The following ERBB4 variants were observed in gnomAD, a reference collection of about 807,000 sequenced individuals.
The protein encoded by ERBB4 is receptor tyrosine-protein kinase erbB-4.
ERBB4 carries 42 observed loss-of-function variants against 158.0 expected under a neutral mutation model. The ratio of observed to expected loss-of-function variants is 0.27; its 90% CI spans 0.21 to 0.34. The LOEUF (loss-of-function observed/expected upper bound fraction) is 0.34. ERBB4 is among the 10% of genes least tolerant of loss of function. ERBB4 has a pLI of 1.00. For missense variants in ERBB4, 1,333 were observed against 1,624.1 expected, an observed-to-expected ratio of 0.82 and a Z score of 3.08; for synonymous variants, 583 against 558.7, an observed-to-expected ratio of 1.04 and a Z score of -0.61.
chr2:212,263,037 G>A (rs953065264), intron 1 of ERBB4, among the ~76,000 whole-genome samples: 4 of 152,000 alleles, frequency 2.6e-5, no homozygotes, highest in Admixed American at 1.3e-4. Flanking sequence ...AGTGAATTAG[G>A]GTGGGCCCTA....
intron 16 of ERBB4, among the ~76,000 whole-genome samples, chr2:211,636,201 CTT>C (rs1446389103): frequency 6.6e-6 from 1 of 151,808 alleles, no homozygotes; most frequent in East Asian, 1.9e-4. Context: ...GTAAAATAAA[CTT>C]TGCAAATTGC....
At chr2:211,815,768 C>T (rs2076869694) in intron 3 of ERBB4, among the ~76,000 whole-genome samples, 1 of 152,140 alleles carries the variant, frequency 6.6e-6, no homozygotes, top group Admixed American at 6.5e-5. Context: ...GGCAGACCCA[C>T]CCTCAGTGTG....
rs200553331 is a variant in ERBB4, at chr2:211,665,493, G to A, written c.1717-16C>T. On this transcript the variant is annotated splice_polypyrimidine_tract_variant and intron_variant, in intron 14 of 27. Coordinates refer to ENST00000342788, the MANE Select transcript of ERBB4 (RefSeq NM_005235.3). ...TGTCAGGACCCTGAAATGTGAAAACGAAAAAAAAAGAAAAAAGAAAAGTGG... is the reference window on the plus strand; with the variant it reads ...TGTCAGGACCCTGAAATGTGAAAACAAAAAAAAAAGAAAAAAGAAAAGTGG... 117 of 1,588,042 alleles carry A rather than the reference G, an allele frequency of 7.4e-5. No individual in the cohort carries two copies. The highest frequency in any genetic ancestry group is 3.4e-4 in the Admixed American group (19 of 55,520).
At chr2:212,129,461 ATAGT>A (rs1159535235) in intron 1 of ERBB4, among the ~76,000 whole-genome samples, 1 of 151,412 alleles carries the variant, frequency 6.6e-6, no homozygotes, top group African/African-American at 2.4e-5. Flanking sequence ...TCAAATCTGG[ATAGT>A]TATATATTCA....
intron 1 of ERBB4, among the ~76,000 whole-genome samples, chr2:212,202,397 G>T (rs2082613576): frequency 6.6e-6 from 1 of 152,028 alleles, no homozygotes; most frequent in Non-Finnish European, 1.5e-5. Context: ...CTCCCAGGCT[G>T]GAATGAAGTG....
intron 20 of ERBB4, among the ~76,000 whole-genome samples, chr2:211,457,005 TGTTA>T (rs1357020330): frequency 7.2e-5 from 11 of 152,242 alleles, no homozygotes; most frequent in Admixed American, 6.5e-4. Context: ...TATGATACTT[TGTTA>T]TTTATGAAGC....
intron 3 of ERBB4, among the ~76,000 whole-genome samples, chr2:211,937,202 G>A (rs553762944): frequency 3.4e-4 from 52 of 152,182 alleles, no homozygotes; most frequent in Non-Finnish European, 6.3e-4. Context: ...AAAAACAACA[G>A]TTTGTTTCCT....
intron 1 of ERBB4, among the ~76,000 whole-genome samples, chr2:212,497,648 T>A (rs1279936543): frequency 6.6e-6 from 1 of 152,196 alleles, no homozygotes; most frequent in Non-Finnish European, 1.5e-5. Context: ...TTTCGTTTCA[T>A]GAAGGGAATA....
intron 16 of ERBB4, among the ~76,000 whole-genome samples, chr2:211,632,102 C>T (rs2070160962): frequency 6.6e-6 from 1 of 151,956 alleles, no homozygotes; most frequent in Admixed American, 6.6e-5. Flanking sequence ...GTAGTTCATC[C>T]TAAAGGTTGT....
chr2:212,374,613 A>G (rs2090256716), intron 1 of ERBB4, among the ~76,000 whole-genome samples: 1 of 151,946 alleles, frequency 6.6e-6, no homozygotes, highest in African/African-American at 2.4e-5. Flanking sequence ...TATTACAAAT[A>G]TAAACACACA....
intron 7 of ERBB4, among the ~76,000 whole-genome samples, chr2:211,717,622 G>C (rs904694554): frequency 2.6e-5 from 4 of 152,078 alleles, no homozygotes; most frequent in African/African-American, 9.7e-5. Flanking sequence ...CTGAGGTCAG[G>C]AGTTCAAGAC....
At chr2:212,422,039 G>A (rs2091804152) in intron 1 of ERBB4, among the ~76,000 whole-genome samples, 1 of 152,164 alleles carries the variant, frequency 6.6e-6, no homozygotes, top group Admixed American at 6.5e-5. Context: ...AGGGAAACAT[G>A]CAGTTTTAAA....
intron 1 of ERBB4, among the ~76,000 whole-genome samples, chr2:212,369,813 C>T (rs972138685): frequency 2.7e-5 from 4 of 150,658 alleles, no homozygotes; most frequent in African/African-American, 1.0e-4. Context: ...CTGCCTCAGC[C>T]TCACAATAGC....
intron 3 of ERBB4, among the ~76,000 whole-genome samples, chr2:211,857,110 T>C (rs1197230781): frequency 6.6e-6 from 1 of 152,052 alleles, no homozygotes; most frequent in Non-Finnish European, 1.5e-5. Context: ...GTCCTACATT[T>C]TATTCTGAGT....
intron 5 of ERBB4, among the ~76,000 whole-genome samples, chr2:211,735,586 A>T (rs897073049): frequency 2.6e-5 from 4 of 152,094 alleles, no homozygotes; most frequent in African/African-American, 9.7e-5. Context: ...AACTACCATG[A>T]TTGTGAGTGA....
intron 1 of ERBB4, among the ~76,000 whole-genome samples, chr2:212,178,807 C>T (rs1417657309): frequency 6.6e-6 from 1 of 150,936 alleles, no homozygotes; most frequent in Non-Finnish European, 1.5e-5. Flanking sequence ...TCCTCCATCG[C>T]CAAAACATTA....
intron 1 of ERBB4, among the ~76,000 whole-genome samples, chr2:212,383,152 C>A (rs1446435757): frequency 2.0e-5 from 3 of 151,176 alleles, no homozygotes; most frequent in Non-Finnish European, 3.0e-5. Flanking sequence ...TTTTCAATAG[C>A]CATGATTTTG....
chr2:211,472,878 A>G (rs2064862215), intron 20 of ERBB4, among the ~76,000 whole-genome samples: 1 of 151,668 alleles, frequency 6.6e-6, no homozygotes, highest in Admixed American at 6.6e-5. Flanking sequence ...GGACCTAAAC[A>G]CAACCTCAAC....
chr2:211,734,891 C>T (rs115070291), intron 5 of ERBB4, among the ~76,000 whole-genome samples: 5,671 of 117,272 alleles, frequency 0.048, 306 homozygotes, highest in East Asian at 0.25. Context: ...CCAGCCTGGG[C>T]GACAAGCGAG....
Sources: allele counts gnomAD v4.1 joint callset (sites outside exome capture counted in the v4.1 genomes callset), GRCh38; gene constraint gnomAD v4.1.1; transcripts MANE v1.5; gene names NCBI Gene and HGNC (gene_info 2026-07-23, HGNC 2026-07-21).